MAML3: variants seen among roughly 807,000 people sequenced by gnomAD.
MAML3 encodes the protein mastermind-like protein 3.
Under a neutral mutation model 101.9 loss-of-function variants are expected in MAML3, and 27 were observed. The observed-to-expected ratio is 0.27, with a 90% CI of 0.20 to 0.37. The LOEUF (loss-of-function observed/expected upper bound fraction) is 0.37, where lower values mean the gene tolerates loss of function less well. MAML3 is among the 10% of genes least tolerant of loss of function. The probability of loss-of-function intolerance (pLI) is 1.00; values close to 1 mark genes in which losing one functional copy is unlikely to be tolerated. For synonymous variants in MAML3, 501 were observed against 555.9 expected (o/e 0.90, Z 1.39); for missense variants, 1,316 against 1,444.9 (o/e 0.91, Z 1.45).
At chr4:139,861,816 C>T (rs570139718) in intron 2 of MAML3, among the ~76,000 whole-genome samples, 13 of 152,246 alleles carry the variant, frequency 8.5e-5, no homozygotes, top group African/African-American at 2.9e-4. Flanking sequence ...TTTCTATAAG[C>T]CCCTGTTGAT....
At chr4:140,060,364 T>TTAAAAAAAAAAAAAAAA (rs1727423722) in intron 1 of MAML3, among the ~76,000 whole-genome samples, 1 of 558 alleles carries the variant, frequency 1.8e-3, no homozygotes, top group Admixed American at 0.042. Flanking sequence ...AGACTCTGTC[T>TTAAAAAAAAAAAAAAAA]CAAAAAAAAA....
At chr4:139,878,526 C>T (rs1261336499) in intron 2 of MAML3, among the ~76,000 whole-genome samples, 4 of 152,140 alleles carry the variant, frequency 2.6e-5, no homozygotes, top group South Asian at 2.1e-4. Context: ...ACACCTGTGT[C>T]GAACCCTTAG....
intron 2 of MAML3, among the ~76,000 whole-genome samples, chr4:139,786,555 G>A (rs751469815): frequency 5.3e-5 from 8 of 152,220 alleles, no homozygotes; most frequent in South Asian, 2.1e-4. Context: ...TAAGGCAGAA[G>A]TGACATCTTG....
At chr4:139,853,754 G>A (rs1175118999) in intron 2 of MAML3, among the ~76,000 whole-genome samples, 1 of 152,122 alleles carries the variant, frequency 6.6e-6, no homozygotes, top group African/African-American at 2.4e-5. Flanking sequence ...GGAGAGGGGT[G>A]TTTAAATACC....
intron 1 of MAML3, among the ~76,000 whole-genome samples, chr4:139,902,269 A>ACGCGCG (rs1560830816): frequency 0.057 from 3,932 of 68,468 alleles, 68 homozygotes; most frequent in Middle Eastern, 0.16. Flanking sequence ...ACACGCACAC[A>ACGCGCG]CACACGCACA....
chr4:139,959,588 C>T (rs1014160397), intron 1 of MAML3, among the ~76,000 whole-genome samples: 5 of 152,142 alleles, frequency 3.3e-5, no homozygotes, highest in African/African-American at 4.8e-5. Context: ...GAGCCTTTTC[C>T]GCCTCAGCGA....
At chr4:139,974,503 T>C (rs1734294721) in intron 1 of MAML3, among the ~76,000 whole-genome samples, 1 of 152,194 alleles carries the variant, frequency 6.6e-6, no homozygotes, top group African/African-American at 2.4e-5. Context: ...CATTCCTTAA[T>C]GTACTTATAA....
chr4:140,071,046 T>G, intron 1 of MAML3, among the ~76,000 whole-genome samples: 1 of 152,244 alleles, frequency 6.6e-6, no homozygotes, highest in East Asian at 1.9e-4. Flanking sequence ...TTTTCTGCCC[T>G]GAACTCCAGC....
chr4:139,852,401 CTGTTTTTTT>C (rs1425369062), intron 2 of MAML3, among the ~76,000 whole-genome samples: 19 of 126,284 alleles, frequency 1.5e-4, no homozygotes, highest in African/African-American at 6.5e-4. Context: ...ATTCAGAAGA[CTGTTTTTTT>C]TTTTTTTTTT....
chr4:139,877,909 T>A (rs111612879), intron 2 of MAML3, among the ~76,000 whole-genome samples: 5 of 152,228 alleles, frequency 3.3e-5, no homozygotes, highest in Non-Finnish European at 5.9e-5. Context: ...AATCTTATGA[T>A]CATAAATATT....
intron 1 of MAML3, among the ~76,000 whole-genome samples, chr4:139,997,680 T>C (rs1734843957): frequency 6.6e-6 from 1 of 152,126 alleles, no homozygotes; most frequent in Admixed American, 6.5e-5. Flanking sequence ...TCTGGAGTCA[T>C]CTTTTTAGCT....
intron 2 of MAML3, among the ~76,000 whole-genome samples, chr4:139,780,068 C>A (rs1346231757): frequency 1.3e-5 from 2 of 152,228 alleles, no homozygotes; most frequent in African/African-American, 4.8e-5. Context: ...TAGAGCCATG[C>A]TGTCCGAGGC....
chr4:140,061,556 T>C (rs926300372), intron 1 of MAML3, among the ~76,000 whole-genome samples: 1 of 152,190 alleles, frequency 6.6e-6, no homozygotes, highest in Non-Finnish European at 1.5e-5. Context: ...TCAAGGCAAG[T>C]AACAAGACCA....
chr4:140,099,933 C>T (rs1728228132), intron 1 of MAML3, among the ~76,000 whole-genome samples: 1 of 152,202 alleles, frequency 6.6e-6, no homozygotes, highest in African/African-American at 2.4e-5. Flanking sequence ...CACTCCCTGT[C>T]ACAAATCCTC....
intron 2 of MAML3, among the ~76,000 whole-genome samples, chr4:139,767,141 C>T (rs568561361): frequency 1.4e-4 from 21 of 152,310 alleles, no homozygotes; most frequent in Admixed American, 1.0e-3. Context: ...AACTTTCCAG[C>T]GGGTACAGGT....
At chr4:140,022,403 A>G (rs1297555768) in intron 1 of MAML3, among the ~76,000 whole-genome samples, 2 of 152,190 alleles carry the variant, frequency 1.3e-5, no homozygotes, top group Non-Finnish European at 2.9e-5. Flanking sequence ...GGGAAATCGG[A>G]AAAAGGAGGA....
chr4:139,925,400 T>C (rs968090639), intron 1 of MAML3, among the ~76,000 whole-genome samples: 7 of 152,180 alleles, frequency 4.6e-5, no homozygotes, highest in Admixed American at 6.5e-5. Context: ...CAGCTAATTT[T>C]TGTATTTTTA....
intron 2 of MAML3, among the ~76,000 whole-genome samples, chr4:139,874,282 A>G (rs927205195): frequency 6.6e-6 from 1 of 152,206 alleles, no homozygotes; most frequent in Non-Finnish European, 1.5e-5. Context: ...TAACATAAAC[A>G]AAAAAGATGG....
chr4:140,033,168 A>G (rs1202302426), intron 1 of MAML3, among the ~76,000 whole-genome samples: 1 of 152,252 alleles, frequency 6.6e-6, no homozygotes, highest in African/African-American at 2.4e-5. Flanking sequence ...CTTATTGAAC[A>G]CATCCTGTGA....
Sources: gnomAD v4.1 joint callset for allele counts (sites outside exome capture counted in the v4.1 genomes callset) on GRCh38, gnomAD v4.1.1 for gene constraint, MANE v1.5 for transcripts, NCBI Gene and HGNC (gene_info 2026-07-23, HGNC 2026-07-21) for gene names.